MADD: variants seen among roughly 807,000 people sequenced by gnomAD.
MADD encodes MAP kinase activating death domain, also known as MAP kinase-activating death domain protein.
In MADD, 109 loss-of-function variants were observed where a neutral mutation model predicts 176.7. The ratio of observed to expected loss-of-function variants is 0.62; its 90% CI spans 0.53 to 0.72. The LOEUF is 0.72. Ranked by LOEUF, MADD falls within the 30% of genes least tolerant of loss-of-function variation. The probability of loss-of-function intolerance (pLI) is 0.00; values close to 1 mark genes in which losing one functional copy is unlikely to be tolerated. For synonymous variants in MADD, 771 were observed against 771.3 expected, an observed-to-expected ratio of 1.00 and a Z score of 0.01; for missense variants, 1,914 against 2,045.5, an observed-to-expected ratio of 0.94 and a Z score of 1.24.
At chr11:47,296,839 T>C (rs2072773123) in intron 22 of MADD, among the ~76,000 whole-genome samples, 1 of 147,556 alleles carries the variant, frequency 6.8e-6, no homozygotes, top group African/African-American at 2.5e-5. Flanking sequence ...CAGTCACTGC[T>C]CAACTGCTCA....
intron 20 of MADD, 146 bp from the exon 23 acceptor site, chr11:47,295,350 T>C (rs1043856245): frequency 3.2e-6 from 2 of 633,560 alleles, no homozygotes; most frequent in African/African-American, 1.8e-5. Context: ...ACATATTTTA[T>C]ATTCTGGAAA....
chr11:47,274,045 C>A, intron 2 of MADD, 69 bp downstream of exon 2: 1 of 1,389,082 alleles, frequency 7.2e-7, no homozygotes, highest in Non-Finnish European at 1.0e-6. Flanking sequence ...TTGTTCCCTT[C>A]TCCGATTTCC....
intron 7 of MADD, 36 bp from the exon 8 acceptor site, chr11:47,281,539 G>A (rs762899652): frequency 1.9e-6 from 3 of 1,550,114 alleles, no homozygotes; most frequent in African/African-American, 1.4e-5. Flanking sequence ...GCCCAGGGAC[G>A]TTCCTTGTGT....
intron 27 of MADD, among the ~76,000 whole-genome samples, chr11:47,322,040 T>C (rs1173805008): frequency 6.6e-6 from 1 of 152,098 alleles, no homozygotes; most frequent in Non-Finnish European, 1.5e-5. Flanking sequence ...AGTTCTGATA[T>C]CTAGTAGCTA....
chr11:47,308,693 C>G, exon 23 of MADD: 1 of 1,613,262 alleles, frequency 6.2e-7, no homozygotes, highest in Non-Finnish European at 8.5e-7. Context: ...CTATGAGGGA[C>G]TCCTAGGTGA....
intron 5 of MADD, among the ~76,000 whole-genome samples, chr11:47,277,478 G>C (rs2051306923): frequency 6.6e-6 from 1 of 152,240 alleles, no homozygotes; most frequent in South Asian, 2.1e-4. Context: ...TGTATTTTTA[G>C]TAGAGGCGGG....
intron 27 of MADD, among the ~76,000 whole-genome samples, 155 bp downstream of exon 30, chr11:47,315,482 T>G (rs1343297547): frequency 1.3e-5 from 2 of 152,204 alleles, no homozygotes; most frequent in African/African-American, 4.8e-5. Flanking sequence ...TTTTTGCGTG[T>G]GTGTTTTTTT....
At chr11:47,295,017 G>GT (rs113012334) in intron 20 of MADD, among the ~76,000 whole-genome samples, 58,069 of 146,496 alleles carry the variant, frequency 0.4, 12,127 homozygotes, top group East Asian at 0.69. Flanking sequence ...TTGTTTTTTT[G>GT]TTTTTTTTTT....
chr11:47,311,614 G>C (rs1461988405), intron 25 of MADD, 118 bp from the exon 29 acceptor site: 1 of 677,386 alleles, frequency 1.5e-6, no homozygotes, highest in Non-Finnish European at 2.7e-6. Context: ...CAGTGATGTG[G>C]TCTTTCAGAA....
Position 47,276,730 on chromosome 11 carries a change from AGGT to A in MADD, c.967_969del (p.Val323del), listed in dbSNP as rs2136478347. On this transcript the variant is annotated splice_acceptor_variant and coding_sequence_variant, in exon 5 of 33. Coordinates refer to ENST00000402192, the Ensembl canonical transcript of MADD. LOFTEE classifies it high-confidence loss of function. ...TGATTCTTACTGGATGGCTCATGAC[AGGT>A]GGTGCTACAGTCCCGAGACTACAAT... 1 of 1,614,108 alleles carries A rather than the reference AGGT, an allele frequency of 6.2e-7. No homozygotes were observed. The highest frequency in any genetic ancestry group is 1.1e-5 in the South Asian group (1 of 91,082).
At chr11:47,326,164 G>A (rs2095436843) in intron 30 of MADD, among the ~76,000 whole-genome samples, 1 of 152,202 alleles carries the variant, frequency 6.6e-6, no homozygotes, top group Admixed American at 6.5e-5. Flanking sequence ...ACTGTGTCAC[G>A]TAGTAGGTGC....
chr11:47,315,610 G>A (rs2092585911), intron 27 of MADD, among the ~76,000 whole-genome samples: 1 of 151,788 alleles, frequency 6.6e-6, no homozygotes, highest in East Asian at 1.9e-4. Context: ...AAGTAGCTGG[G>A]ATTACAGGCG....
intron 15 of MADD, 124 bp downstream of exon 16, chr11:47,289,151 C>T (rs1025656429): frequency 3.5e-5 from 36 of 1,016,320 alleles, no homozygotes; most frequent in Non-Finnish European, 5.1e-5. Context: ...TGCCCCGTCC[C>T]CCGTGACGCC....
chr11:47,324,698 C>A, intron 30 of MADD, 121 bp downstream of exon 33: 1 of 747,334 alleles, frequency 1.3e-6, no homozygotes, highest in Non-Finnish European at 2.4e-6. Context: ...AGAGGGAGAA[C>A]TGGAGCAGCT....
chr11:47,284,712 A>C (rs987011135), intron 12 of MADD, 147 bp downstream of exon 12: 33 of 1,251,040 alleles, frequency 2.6e-5, no homozygotes, highest in Middle Eastern at 2.8e-4. Flanking sequence ...TTAGAGCCTA[A>C]GAGACCTACT....
At chr11:47,329,025 G>A (rs373390447) in intron 32 of MADD, 21 bp from the exon 37 acceptor site, 23 of 1,571,634 alleles carry the variant, frequency 1.5e-5, no homozygotes, top group Middle Eastern at 1.7e-4. Context: ...ATCGTGATCC[G>A]CCTGGTTTTC....
At position 47,285,154 on chromosome 11, in the gene MADD, A is replaced by G. The variant is rs371995837; in HGVS notation, c.2371A>G (p.Ser791Gly). Residue 791 changes from serine (S) to glycine (G), a missense_variant, in exon 13 of 33, where the codon AGT becomes GGT. Physicochemically the swap from Ser to Gly is moderately conservative, Grantham distance 56. Around this residue, in one of 2 missense-constraint regions of MADD, gnomAD observed 1,767 missense variants for 1,836.0 expected, o/e 0.96. Coordinates refer to ENST00000402192, the Ensembl canonical transcript of MADD. ...GGAAGATGAGGATGAGCAGGGGGAA[A>G]GTTACACTCCCCGATTCAGCCAACA... The G allele has an allele frequency of 1.9e-5, 30 of 1,613,986 alleles. No individual in the cohort carries two copies. The Middle Eastern group carries it at 6.6e-4, about 35-fold the overall frequency.
chr11:47,273,832 G>A (rs2047260243), exon 2 of MADD: 2 of 1,262,982 alleles, frequency 1.6e-6, no homozygotes, highest in African/African-American at 1.5e-5. Context: ...ATTAGACTTC[G>A]ATTTTCAGAA....
intron 19 of MADD, among the ~76,000 whole-genome samples, chr11:47,291,176 T>C (rs167824): frequency 0.99 from 151,373 of 152,254 alleles, 75,249 homozygotes; most frequent in East Asian, 1. Flanking sequence ...ATAGATGCAT[T>C]TTTGGGCTAT....
Sources: gnomAD v4.1 joint callset for allele counts (sites outside exome capture counted in the v4.1 genomes callset) on GRCh38, gnomAD v4.1.1 for gene constraint, gnomAD v4.1.1 regional missense constraint, MANE v1.5 for transcripts, NCBI Gene and HGNC (gene_info 2026-07-23, HGNC 2026-07-21) for gene names.